Variants in EFCAB5 observed in about 807,000 individuals in gnomAD.
EFCAB5 encodes the protein EF-hand calcium binding domain 5, also known as EF-hand calcium-binding domain-containing protein 5.
EFCAB5 carries 131 observed loss-of-function variants against 167.9 expected under a neutral mutation model. The observed-to-expected ratio is 0.78, with a 90% CI of 0.68 to 0.90. The LOEUF (loss-of-function observed/expected upper bound fraction) is 0.90. Ranked by LOEUF, EFCAB5 falls within the 40% of genes least tolerant of loss-of-function variation. The probability of loss-of-function intolerance (pLI) is 0.00; values close to 1 mark genes in which losing one functional copy is unlikely to be tolerated. For missense variants in EFCAB5, 1,663 were observed against 1,745.2 expected (o/e 0.95, Z 0.84); for synonymous variants, 574 against 602.8 (o/e 0.95, Z 0.70).
chr17:29,980,314 T>C (rs2068148069), intron 4 of EFCAB5, among the ~76,000 whole-genome samples: 1 of 152,234 alleles, frequency 6.6e-6, no homozygotes, highest in Non-Finnish European at 1.5e-5. Context: ...GAAGAACTTA[T>C]ACAGTCTATT....
intron 4 of EFCAB5, among the ~76,000 whole-genome samples, chr17:29,970,150 T>C (rs1053358245): frequency 2.0e-5 from 3 of 152,224 alleles, no homozygotes; most frequent in Non-Finnish European, 4.4e-5. Context: ...TTATCCTTTT[T>C]CAAATGTCTA....
At chr17:30,000,440 A>C (rs1208344618) in intron 7 of EFCAB5, among the ~76,000 whole-genome samples, 1 of 152,208 alleles carries the variant, frequency 6.6e-6, no homozygotes, top group Admixed American at 6.5e-5. Flanking sequence ...ATTTGTATTC[A>C]GTCAGTTTGG....
chr17:30,036,246 A>ATT (rs2069617020), intron 8 of EFCAB5, among the ~76,000 whole-genome samples: 1 of 139,316 alleles, frequency 7.2e-6, no homozygotes, highest in Admixed American at 7.7e-5. Context: ...TGTATATATA[A>ATT]ATATAGAATA....
chr17:29,954,424 T>TG (rs2067571953), intron 3 of EFCAB5, among the ~76,000 whole-genome samples: 1 of 152,166 alleles, frequency 6.6e-6, no homozygotes, highest in Non-Finnish European at 1.5e-5. Context: ...AAGGGACCAA[T>TG]GTACAGCTCA....
chr17:29,989,895 G>A (rs2068375278), intron 4 of EFCAB5, among the ~76,000 whole-genome samples: 1 of 152,154 alleles, frequency 6.6e-6, no homozygotes, highest in Admixed American at 6.5e-5. Context: ...AACCTTGGCG[G>A]GAACTTTGTC....
At chr17:29,952,113 C>T (rs1240148631) in intron 3 of EFCAB5, among the ~76,000 whole-genome samples, 1 of 152,108 alleles carries the variant, frequency 6.6e-6, no homozygotes, top group Non-Finnish European at 1.5e-5. Context: ...TCTCTGCTTC[C>T]TAGATGGCAC....
intron 7 of EFCAB5, among the ~76,000 whole-genome samples, chr17:30,005,702 T>TC (rs1250720535): frequency 1.3e-5 from 2 of 152,102 alleles, no homozygotes; most frequent in African/African-American, 2.4e-5. Flanking sequence ...TTATATCTCC[T>TC]CCCCTTTGGA....
At chr17:30,078,091 A>G (rs370078708) in intron 14 of EFCAB5, 124 bp from the exon 15 acceptor site, 2 of 985,622 alleles carry the variant, frequency 2.0e-6, no homozygotes, top group East Asian at 5.3e-5. Context: ...TGCCTTTGGT[A>G]TACTTGGTTT....
chr17:30,092,182 T>C, intron 21 of EFCAB5, 25 bp downstream of exon 21: 1 of 1,587,562 alleles, frequency 6.3e-7, no homozygotes, highest in Non-Finnish European at 8.6e-7. Flanking sequence ...AAAAAGCACC[T>C]TTTAAATTGA....
At chr17:30,103,920 A>G (rs150220480) in intron 22 of EFCAB5, among the ~76,000 whole-genome samples, 3 of 152,322 alleles carry the variant, frequency 2.0e-5, no homozygotes, top group African/African-American at 7.2e-5. Context: ...CTGAGGCAGG[A>G]GAATGGCTTG....
At chr17:29,955,276 T>C (rs2067590909) in intron 3 of EFCAB5, among the ~76,000 whole-genome samples, 1 of 152,098 alleles carries the variant, frequency 6.6e-6, no homozygotes, top group Admixed American at 6.6e-5. Flanking sequence ...ACCCAAATCT[T>C]GAACTATAGC....
intron 7 of EFCAB5, among the ~76,000 whole-genome samples, chr17:30,002,210 A>G (rs1003073140): frequency 1.2e-4 from 18 of 152,134 alleles, no homozygotes; most frequent in African/African-American, 4.3e-4. Context: ...ATAATTATAT[A>G]TTTACAAGAA....
chr17:29,938,155 C>A (rs2067261308), upstream of EFCAB5, among the ~76,000 whole-genome samples: 1 of 152,014 alleles, frequency 6.6e-6, no homozygotes, highest in Non-Finnish European at 1.5e-5. Flanking sequence ...TGGTTCCAGA[C>A]CACTACAATA....
At chr17:30,094,993 C>T (rs1400498621) in intron 22 of EFCAB5, among the ~76,000 whole-genome samples, 5 of 152,180 alleles carry the variant, frequency 3.3e-5, no homozygotes, top group Non-Finnish European at 7.3e-5. Flanking sequence ...AGATTCATGA[C>T]GTGACCACCC....
At chr17:29,969,455 A>C in intron 4 of EFCAB5, 88 bp downstream of exon 4, 5 of 1,150,902 alleles carry the variant, frequency 4.3e-6, no homozygotes, top group Non-Finnish European at 6.0e-6. Flanking sequence ...GACAGGACTT[A>C]AAACAAGTGA....
At chr17:30,042,778 C>T (rs1045195640) in intron 8 of EFCAB5, among the ~76,000 whole-genome samples, 1 of 152,056 alleles carries the variant, frequency 6.6e-6, no homozygotes, top group Non-Finnish European at 1.5e-5. Context: ...GAACACTTCC[C>T]AACTCATTTT....
chr17:30,002,503 T>C (rs1026154214), intron 7 of EFCAB5, among the ~76,000 whole-genome samples: 4 of 152,222 alleles, frequency 2.6e-5, no homozygotes, highest in African/African-American at 9.6e-5. Context: ...TAAGTCATTT[T>C]CCACTTTGCC....
chr17:30,026,018 G>T (rs2069311178), intron 7 of EFCAB5, among the ~76,000 whole-genome samples: 1 of 151,648 alleles, frequency 6.6e-6, no homozygotes, highest in Non-Finnish European at 1.5e-5. Context: ...GGGGATTGTT[G>T]TGGGGTGGGC....
chr17:30,037,657 T>C (rs1308829300), intron 8 of EFCAB5, among the ~76,000 whole-genome samples: 2 of 152,224 alleles, frequency 1.3e-5, no homozygotes, highest in Non-Finnish European at 2.9e-5. Flanking sequence ...ATTTAATAGT[T>C]GTATCTTTGC....
Sources: allele counts gnomAD v4.1 joint callset (sites outside exome capture counted in the v4.1 genomes callset), GRCh38; gene constraint gnomAD v4.1.1; transcripts MANE v1.5; gene names NCBI Gene and HGNC (gene_info 2026-07-23, HGNC 2026-07-21).